Variants in GULP1 observed in about 807,000 individuals in gnomAD.
GULP1 encodes PTB domain-containing engulfment adapter protein 1.
GULP1 carries 19 observed loss-of-function variants against 40.9 expected under a neutral mutation model. The ratio of observed to expected loss-of-function variants is 0.46; its 90% CI spans 0.32 to 0.68. GULP1 has a LOEUF of 0.68. Ranked by LOEUF, GULP1 falls within the 30% of genes least tolerant of loss-of-function variation. GULP1 has a pLI of 0.03. For synonymous variants in GULP1, 119 were observed against 117.6 expected (o/e 1.01, Z -0.08); for missense variants, 312 against 362.2 (o/e 0.86, Z 1.12).
chr2:188,383,814 C>T lies in GULP1; in HGVS notation c.-120C>T, dbSNP rs2049314447. ...TAGGAGAGAAACTGATAGAAGAATT[C>T]TGATGGCAACTGTATGATAGAAGCT... On this transcript the variant is annotated 5_prime_UTR_variant, in exon 2 of 12. Coordinates refer to ENST00000409830, the MANE Select transcript of GULP1 (RefSeq NM_016315.4). The T allele has an allele frequency of 6.6e-6, 1 of 152,096 alleles. No homozygotes were observed. Among genetic ancestry groups the T allele is most frequent in the African/African-American group, 2.4e-5 (1 of 41,424 alleles). 9.4% of individuals were successfully genotyped at this position (152,096 alleles called of 1,614,324 possible). A position where few individuals can be genotyped will look rare whatever the true frequency, so the allele number is the denominator to read the frequency against.
intron 1 of GULP1, among the ~76,000 whole-genome samples, chr2:188,312,171 C>T (rs1055598432): frequency 3.3e-5 from 5 of 151,658 alleles, no homozygotes; most frequent in African/African-American, 1.2e-4. Context: ...TAGAAAATAT[C>T]TAAGACTATT....
At chr2:188,461,318 C>CTTTT (rs549518354) in intron 2 of GULP1, among the ~76,000 whole-genome samples, 1 of 122,964 alleles carries the variant, frequency 8.1e-6, no homozygotes, top group Non-Finnish European at 1.7e-5. Flanking sequence ...TACTGGTAAG[C>CTTTT]TTTTTTTTTT....
At chr2:188,404,902 G>A (rs904087308) in intron 2 of GULP1, among the ~76,000 whole-genome samples, 3 of 152,070 alleles carry the variant, frequency 2.0e-5, no homozygotes, top group East Asian at 1.9e-4. Flanking sequence ...CTTGACCTCA[G>A]GTGCTAGGCT....
In GULP1 at chr2:188,563,564, T is replaced by A. The variant is rs536980832; in HGVS notation, c.400-5675T>A. ...AATTATATTTTTTTTATCTTTTTTT[T>A]ATATTTTTAAAAAAGATTCGGAACT... is the stretch of plus-strand genomic sequence containing the variant. On this transcript the variant is annotated intron_variant, in intron 7 of 11. Coordinates refer to ENST00000409830, the MANE Select transcript of GULP1 (RefSeq NM_016315.4). Among the ~76,000 whole-genome samples, 41 of 150,090 alleles carry A rather than the reference T, an allele frequency of 2.7e-4. No homozygotes were observed. The South Asian group carries it at 5.0e-3, about 18-fold the overall frequency.
intron 1 of GULP1, among the ~76,000 whole-genome samples, chr2:188,299,628 T>A (rs1160375257): frequency 1.3e-5 from 2 of 152,196 alleles, no homozygotes; most frequent in African/African-American, 4.8e-5. Flanking sequence ...ACTTGTTCTT[T>A]TTGTAGTTGT....
chr2:188,453,801 A>T (rs2059030534), intron 2 of GULP1, among the ~76,000 whole-genome samples: 1 of 152,226 alleles, frequency 6.6e-6, no homozygotes, highest in South Asian at 2.1e-4. Flanking sequence ...AGTAAAACAA[A>T]GACCAGAAAT....
intron 1 of GULP1, among the ~76,000 whole-genome samples, chr2:188,315,364 T>G (rs1484735331): frequency 6.6e-6 from 1 of 152,136 alleles, no homozygotes; most frequent in African/African-American, 2.4e-5. Flanking sequence ...ACATAGTAAA[T>G]ATAAGATTTG....
intron 1 of GULP1, among the ~76,000 whole-genome samples, chr2:188,361,962 T>A (rs2046154238): frequency 6.6e-6 from 1 of 152,112 alleles, no homozygotes; most frequent in African/African-American, 2.4e-5. Flanking sequence ...GACAAAATGT[T>A]TTTTGTAAAT....
rs1405002874 is a variant in GULP1 at position 188,595,494 on chromosome 2, C to T, written c.*1483C>T. ...AGTTTCTTTTATCTGCTAAGTTGTA[C>T]CTTAATTAGAGGGCAATATATGTTT... On this transcript the variant is annotated 3_prime_UTR_variant, in exon 12 of 12. Coordinates refer to ENST00000409830, the MANE Select transcript of GULP1 (RefSeq NM_016315.4). 1 of 151,836 alleles carries T rather than the reference C, an allele frequency of 6.6e-6. No homozygotes were observed. Among genetic ancestry groups the T allele is most frequent in the Non-Finnish European group, 1.5e-5 (1 of 67,670 alleles). 9.4% of individuals were successfully genotyped at this position (151,836 alleles called of 1,614,324 possible). A position where few individuals can be genotyped will look rare whatever the true frequency, so the allele number is the denominator to read the frequency against.
chr2:188,419,794 T>C (rs1196077590), intron 2 of GULP1, among the ~76,000 whole-genome samples: 1 of 152,180 alleles, frequency 6.6e-6, no homozygotes, highest in East Asian at 1.9e-4. Flanking sequence ...TAATGAAGCT[T>C]TTCTCTTAGG....
At chr2:188,389,261 T>C (rs2050199149) in intron 2 of GULP1, among the ~76,000 whole-genome samples, 1 of 152,218 alleles carries the variant, frequency 6.6e-6, no homozygotes, top group African/African-American at 2.4e-5. Context: ...CATAACATTT[T>C]AAAATTTCAT....
chr2:188,547,228 C>A (rs1692197836), intron 7 of GULP1, among the ~76,000 whole-genome samples: 1 of 148,706 alleles, frequency 6.7e-6, no homozygotes, highest in African/African-American at 2.5e-5. Flanking sequence ...ATACCAAAAC[C>A]AGACTTAGAC....
chr2:188,384,219 G>A (rs528472754), intron 2 of GULP1: 1 of 152,276 alleles, frequency 6.6e-6, no homozygotes, highest in South Asian at 2.1e-4. Flanking sequence ...AGAGAAAGAC[G>A]TTTAATGGAC....
chr2:188,405,874 C>T (rs2053018036), intron 2 of GULP1, among the ~76,000 whole-genome samples: 2 of 152,172 alleles, frequency 1.3e-5, no homozygotes, highest in Non-Finnish European at 2.9e-5. Flanking sequence ...AATGTGCAGA[C>T]ATCAACTCAT....
intron 1 of GULP1, among the ~76,000 whole-genome samples, chr2:188,360,069 C>T (rs1343753908): frequency 1.3e-5 from 2 of 151,994 alleles, no homozygotes; most frequent in African/African-American, 4.8e-5. Flanking sequence ...ATTTTGTTTT[C>T]CCATTGGCAA....
chr2:188,392,572 T>C (rs2152557945), intron 2 of GULP1, among the ~76,000 whole-genome samples: 1 of 152,146 alleles, frequency 6.6e-6, no homozygotes, highest in East Asian at 1.9e-4. Context: ...ATCATTTGTA[T>C]TGTTTTCTTA....
intron 1 of GULP1, among the ~76,000 whole-genome samples, chr2:188,332,536 A>G (rs1453459117): frequency 6.6e-6 from 1 of 152,184 alleles, no homozygotes; most frequent in East Asian, 1.9e-4. Context: ...TGTGCCAGTC[A>G]TGAGAGCCAG....
chr2:188,322,347 TG>T (rs2106622019), intron 1 of GULP1, among the ~76,000 whole-genome samples: 1 of 152,184 alleles, frequency 6.6e-6, no homozygotes, highest in East Asian at 1.9e-4. Context: ...GGCTGCTAGG[TG>T]AGGTTGTAAA....
intron 2 of GULP1, among the ~76,000 whole-genome samples, chr2:188,410,254 G>A (rs943934685): frequency 5.3e-5 from 8 of 152,022 alleles, no homozygotes; most frequent in African/African-American, 1.5e-4. Context: ...ACTACTAGAA[G>A]AAAACAAAGG....
Sources: gnomAD v4.1 joint callset for allele counts (sites outside exome capture counted in the v4.1 genomes callset) on GRCh38, gnomAD v4.1.1 for gene constraint, MANE v1.5 for transcripts, NCBI Gene and HGNC (gene_info 2026-07-23, HGNC 2026-07-21) for gene names.